Variants in DPP10 observed in about 807,000 individuals in gnomAD.
DPP10 encodes dipeptidyl peptidase like 10, also known as inactive dipeptidyl peptidase 10.
In DPP10, 33 loss-of-function variants were observed where a neutral mutation model predicts 120.9. The ratio of observed to expected loss-of-function variants is 0.27; its 90% confidence interval spans 0.21 to 0.37. The LOEUF is 0.37. Ranked by LOEUF, DPP10 falls within the 10% of genes least tolerant of loss-of-function variation. The pLI is 1.00. For missense variants in DPP10, 816 were observed against 942.8 expected (o/e 0.87, Z 1.76); for synonymous variants, 337 against 326.1 (o/e 1.03, Z -0.36).
intron 1 of DPP10, among the ~76,000 whole-genome samples, chr2:114,841,798 C>T (rs1028645733): frequency 5.3e-5 from 8 of 152,100 alleles, no homozygotes; most frequent in Admixed American, 3.3e-4. Flanking sequence ...CTGGGAATTG[C>T]TGTGATCCCT....
intron 3 of DPP10, among the ~76,000 whole-genome samples, chr2:115,350,668 A>T (rs535844927): frequency 3.4e-4 from 51 of 152,236 alleles, no homozygotes; most frequent in African/African-American, 1.2e-3. Context: ...CACAGCAATG[A>T]CTATTAGACT....
chr2:115,678,963 C>A (rs1285486056), intron 5 of DPP10, among the ~76,000 whole-genome samples: 1 of 152,158 alleles, frequency 6.6e-6, no homozygotes, highest in Non-Finnish European at 1.5e-5. Context: ...TTTGTTCTGG[C>A]CAGTTTCTCC....
At chr2:115,331,383 C>T (rs1172747747) in intron 2 of DPP10, among the ~76,000 whole-genome samples, 3 of 152,178 alleles carry the variant, frequency 2.0e-5, no homozygotes, top group Non-Finnish European at 2.9e-5. Context: ...GACAATTTGA[C>T]TTCCTCTTTT....
intron 5 of DPP10, among the ~76,000 whole-genome samples, chr2:115,608,464 A>G (rs1013950744): frequency 3.3e-5 from 5 of 152,174 alleles, no homozygotes; most frequent in South Asian, 2.1e-4. Flanking sequence ...GTACTCTGTC[A>G]TGAAGAAAAT....
intron 1 of DPP10, among the ~76,000 whole-genome samples, chr2:115,284,567 C>G (rs1212086815): frequency 6.6e-6 from 1 of 151,986 alleles, no homozygotes; most frequent in African/African-American, 2.4e-5. Context: ...CAGGACAAGA[C>G]TAGCTTTTGG....
chr2:114,892,409 A>G (rs1692616265), intron 1 of DPP10, among the ~76,000 whole-genome samples: 2 of 152,220 alleles, frequency 1.3e-5, no homozygotes, highest in South Asian at 4.1e-4. Context: ...GAGAAACAAC[A>G]AAATGAAATG....
intron 1 of DPP10, among the ~76,000 whole-genome samples, chr2:114,506,733 G>A (rs1683693261): frequency 6.6e-6 from 1 of 152,168 alleles, no homozygotes; most frequent in Non-Finnish European, 1.5e-5. Context: ...ACTGGGCCAA[G>A]CAAGTGGAGT....
chr2:115,512,454 CTTTCT>C (rs1386790588), intron 4 of DPP10, among the ~76,000 whole-genome samples: 1 of 151,910 alleles, frequency 6.6e-6, no homozygotes, highest in African/African-American at 2.4e-5. Flanking sequence ...TTCTTTCTTC[CTTTCT>C]TTTCTTTTCT....
At chr2:114,754,593 A>G (rs934848383) in intron 1 of DPP10, among the ~76,000 whole-genome samples, 5 of 152,274 alleles carry the variant, frequency 3.3e-5, no homozygotes, top group African/African-American at 9.6e-5. Context: ...GCAAAGCTCT[A>G]CCTTTTATCA....
At chr2:115,632,102 G>A (rs1208433174) in intron 5 of DPP10, among the ~76,000 whole-genome samples, 1 of 152,094 alleles carries the variant, frequency 6.6e-6, no homozygotes, top group Non-Finnish European at 1.5e-5. Context: ...CTTCTGTATT[G>A]GGTACATATA....
At chr2:115,383,750 T>G (rs564685899) in intron 3 of DPP10, among the ~76,000 whole-genome samples, 11 of 152,306 alleles carry the variant, frequency 7.2e-5, no homozygotes, top group Admixed American at 6.5e-4. Context: ...ATTTGATTTT[T>G]AATGTGTATC....
At chr2:115,806,289 TTC>T (rs1170771762) in intron 19 of DPP10, among the ~76,000 whole-genome samples, 5 of 152,208 alleles carry the variant, frequency 3.3e-5, no homozygotes, top group Non-Finnish European at 7.3e-5. Context: ...TATAATTGTG[TTC>T]TCTCAAAAAA....
chr2:115,007,054 A>T (rs1304759053), intron 1 of DPP10, among the ~76,000 whole-genome samples: 2 of 152,132 alleles, frequency 1.3e-5, no homozygotes, highest in Non-Finnish European at 2.9e-5. Context: ...AGAACTCAGG[A>T]TTAAGAATCT....
At chr2:115,257,850 G>C (rs1315931837) in intron 1 of DPP10, among the ~76,000 whole-genome samples, 1 of 152,080 alleles carries the variant, frequency 6.6e-6, no homozygotes, top group African/African-American at 2.4e-5. Context: ...TAATAGAATG[G>C]ATTTCAAGTC....
intron 1 of DPP10, among the ~76,000 whole-genome samples, chr2:115,017,041 A>G (rs1394378704): frequency 8.4e-6 from 1 of 118,902 alleles, no homozygotes; most frequent in Non-Finnish European, 1.6e-5. Context: ...GGAACATCAC[A>G]CTCTGGGGAC....
At chr2:115,206,323 A>G (rs934577166) in intron 1 of DPP10, among the ~76,000 whole-genome samples, 1 of 152,132 alleles carries the variant, frequency 6.6e-6, no homozygotes, top group Admixed American at 6.6e-5. Flanking sequence ...AGCACCATAA[A>G]TTAGCATTTT....
In DPP10 at chr2:114,923,782, TG is replaced by T. The variant is rs368329424; in HGVS notation, c.61-385455del. ...CACCTGGCCTTTTTCACTTTCTTGA[TG>T]GTGTACTCAATAGCAAAATTTTAGA... is the stretch of plus-strand genomic sequence containing the variant. On this transcript the variant is annotated intron_variant, in intron 1 of 25. Coordinates refer to ENST00000410059, the MANE Select transcript of DPP10 (RefSeq NM_020868.6). 7.6e-3 allele frequency among the ~76,000 whole-genome samples: 1,163 copies of T among 152,306 alleles called. 7 individuals are homozygous for T. The highest frequency in any genetic ancestry group is 0.027 in the African/African-American group (1,103 of 41,568).
At chr2:115,004,898 C>T (rs557984670) in intron 1 of DPP10, among the ~76,000 whole-genome samples, 9 of 152,144 alleles carry the variant, frequency 5.9e-5, no homozygotes, top group Admixed American at 2.6e-4. Flanking sequence ...CCTGTGTAGG[C>T]TCCACCTCTG....
intron 19 of DPP10, among the ~76,000 whole-genome samples, chr2:115,796,754 G>C (rs1192034785): frequency 6.6e-6 from 1 of 152,046 alleles, no homozygotes; most frequent in African/African-American, 2.4e-5. Flanking sequence ...TGCAAAGAGT[G>C]TCTTGCTGAG....
Sources: allele counts gnomAD v4.1 joint callset (sites outside exome capture counted in the v4.1 genomes callset), GRCh38; gene constraint gnomAD v4.1.1; transcripts MANE v1.5; gene names NCBI Gene and HGNC (gene_info 2026-07-23, HGNC 2026-07-21).